The following RTTN variants were observed in gnomAD, a reference collection of about 807,000 sequenced individuals.
RTTN encodes the protein rotatin.
Under a neutral mutation model 269.2 loss-of-function variants are expected in RTTN, and 182 were observed. That is an observed-to-expected ratio of 0.68 (90% CI 0.60 to 0.76). RTTN has a LOEUF of 0.76. RTTN is among the 30% of genes least tolerant of loss of function. RTTN has a pLI of 0.00. For synonymous variants in RTTN, 1,006 were observed against 963.5 expected, an observed-to-expected ratio of 1.04 and a Z score of -0.82; for missense variants, 2,545 against 2,608.6, an observed-to-expected ratio of 0.98 and a Z score of 0.53.
intron 17 of RTTN, among the ~76,000 whole-genome samples, chr18:70,146,455 A>G (rs980644085): frequency 3.3e-5 from 5 of 152,182 alleles, no homozygotes; most frequent in Non-Finnish European, 5.9e-5. Context: ...ACAACCATGT[A>G]TCTGTCACTC....
intron 27 of RTTN, among the ~76,000 whole-genome samples, chr18:70,113,302 G>C (rs1314136109): frequency 6.6e-6 from 1 of 152,162 alleles, no homozygotes. Context: ...ATGAGAAGAT[G>C]CTCAAAATTA....
At chr18:70,092,315 T>C in intron 29 of RTTN, 95 bp from the exon 30 acceptor site, 1 of 762,056 alleles carries the variant, frequency 1.3e-6, no homozygotes, top group Non-Finnish European at 2.1e-6. Context: ...GAAAACAACG[T>C]GAAAATGTAT....
chr18:70,039,388 A>G (rs921973792), intron 40 of RTTN, among the ~76,000 whole-genome samples: 1 of 152,018 alleles, frequency 6.6e-6, no homozygotes, highest in Non-Finnish European at 1.5e-5. Flanking sequence ...GTGGCATGAC[A>G]TATTTCAAGT....
intron 17 of RTTN, among the ~76,000 whole-genome samples, chr18:70,148,063 A>C (rs2060441854): frequency 1.3e-5 from 2 of 152,164 alleles, no homozygotes; most frequent in African/African-American, 4.8e-5. Flanking sequence ...TTAATAGTTT[A>C]GTTAACTTCC....
intron 43 of RTTN, among the ~76,000 whole-genome samples, chr18:70,027,984 T>A (rs910053714): frequency 2.0e-5 from 3 of 152,192 alleles, no homozygotes; most frequent in Non-Finnish European, 2.9e-5. Flanking sequence ...CCATAATTTA[T>A]CTTTGCTTTC....
intron 11 of RTTN, among the ~76,000 whole-genome samples, chr18:70,176,470 T>C (rs539953090): frequency 2.0e-5 from 3 of 152,292 alleles, no homozygotes; most frequent in South Asian, 2.1e-4. Flanking sequence ...TAAAAAATAA[T>C]TTCCCATCAA....
At chr18:70,171,453 T>G (rs1198917924) in intron 11 of RTTN, among the ~76,000 whole-genome samples, 2 of 152,220 alleles carry the variant, frequency 1.3e-5, no homozygotes, top group Admixed American at 6.5e-5. Context: ...CTTTTCTCGC[T>G]TCACCACAAA....
Position 70,065,903 on chromosome 18 carries a change from C to T in RTTN, c.4673G>A (p.Ser1558Asn). Residue 1558 changes from serine to asparagine, a missense_variant, in exon 35 of 49, where the codon AGT becomes AAT. Coordinates refer to ENST00000640769, the MANE Select transcript of RTTN (RefSeq NM_173630.4). ...SETTVAPSLG[S>N]TEFQPLVQST... ...CTGCACAAGTGGCTGAAATTCAGTA[C>T]TCCCCAATGAAGGTGCCACCTATGA... The T allele has an allele frequency of 6.2e-7, 1 of 1,601,122 alleles. No individual in the cohort carries two copies.
At chr18:70,156,213 T>G (rs2145835360) in intron 14 of RTTN, among the ~76,000 whole-genome samples, 1 of 152,300 alleles carries the variant, frequency 6.6e-6, no homozygotes, top group South Asian at 2.1e-4. Context: ...ATTCTTTTTC[T>G]CAGCAAGGAA....
intron 40 of RTTN, among the ~76,000 whole-genome samples, chr18:70,035,655 A>G (rs868578445): frequency 1.3e-5 from 2 of 152,246 alleles, no homozygotes; most frequent in African/African-American, 4.8e-5. Flanking sequence ...AGTGGCAGAG[A>G]TTTCATGATG....
At chr18:70,137,962 T>C (rs2060163266) in intron 21 of RTTN, among the ~76,000 whole-genome samples, 1 of 152,178 alleles carries the variant, frequency 6.6e-6, no homozygotes, top group Non-Finnish European at 1.5e-5. Flanking sequence ...AAATGGGTTT[T>C]CTTGGTTAAG....
intron 26 of RTTN, among the ~76,000 whole-genome samples, chr18:70,115,228 A>C (rs1295456404): frequency 6.6e-6 from 1 of 152,050 alleles, no homozygotes; most frequent in Non-Finnish European, 1.5e-5. Context: ...TTGTCCCTGT[A>C]AAAAATGTAC....
chr18:70,145,582 C>G, intron 18 of RTTN, 30 bp downstream of exon 18: 1 of 1,502,872 alleles, frequency 6.7e-7, no homozygotes, highest in Non-Finnish European at 9.0e-7. Flanking sequence ...CAAATTACCA[C>G]ACAGTAATAA....
At chr18:70,198,194 C>T (rs527720290) in intron 5 of RTTN, among the ~76,000 whole-genome samples, 32 of 152,294 alleles carry the variant, frequency 2.1e-4, no homozygotes, top group Non-Finnish European at 3.8e-4. Context: ...GATTAGGACT[C>T]CCCTCTTATC....
chr18:70,189,846 G>C (rs1304536644), intron 9 of RTTN, among the ~76,000 whole-genome samples: 2 of 152,212 alleles, frequency 1.3e-5, no homozygotes, highest in Non-Finnish European at 2.9e-5. Flanking sequence ...GCAGACCTCT[G>C]TCATATTGTT....
At chr18:70,134,833 A>G (rs2060085126) in intron 22 of RTTN, among the ~76,000 whole-genome samples, 1 of 152,188 alleles carries the variant, frequency 6.6e-6, no homozygotes, top group African/African-American at 2.4e-5. Context: ...GATCAGCGCT[A>G]ATCATATACT....
intron 43 of RTTN, among the ~76,000 whole-genome samples, chr18:70,026,438 CCTCGCCAGCTCT>C (rs1017051087): frequency 2.6e-5 from 4 of 152,032 alleles, no homozygotes; most frequent in African/African-American, 9.7e-5. Flanking sequence ...TGTGGTACCT[CCTCGCCAGCTCT>C]CTCACTCTTG....
intron 46 of RTTN, among the ~76,000 whole-genome samples, chr18:70,015,843 A>T (rs200008260): frequency 6.8e-6 from 1 of 146,600 alleles, no homozygotes; most frequent in South Asian, 2.2e-4. Flanking sequence ...GAAAAAAAAA[A>T]TCATTCTAAG....
Position 70,006,457 on chromosome 18 carries a change from C to T in RTTN, c.6449G>A (p.Cys2150Tyr), listed in dbSNP as rs759240444. 2.5e-6 allele frequency: 4 copies of T among 1,614,054 alleles called. No individual in the cohort carries two copies. The highest frequency in any genetic ancestry group is 8.5e-7 in the Non-Finnish European group (1 of 1,179,904). ...NEKVITVLAA[C>Y]LESENQNAQR... The stretch of plus-strand genomic sequence containing the variant: ...AGCATTTTGATTCTCACTTTCCAGA[C>T]AGGCAGCAAGCACAGTAATGACTTT... Residue 2150 changes from cysteine to tyrosine, a missense_variant, in exon 47 of 49, where the codon TGT becomes TAT. By Grantham distance (194) the Cys-to-Tyr change is radical. Transcript: ENST00000640769.
Sources: allele counts gnomAD v4.1 joint callset (sites outside exome capture counted in the v4.1 genomes callset), GRCh38; gene constraint gnomAD v4.1.1; transcripts MANE v1.5; gene names NCBI Gene and HGNC (gene_info 2026-07-23, HGNC 2026-07-21).